Variants in ARHGAP6 observed in about 807,000 individuals in gnomAD.
ARHGAP6 encodes rho GTPase-activating protein 6.
A neutral mutation model predicts 55.7 loss-of-function variants in ARHGAP6; 16 were observed. The ratio of observed to expected loss-of-function variants is 0.29; its 90% CI spans 0.19 to 0.44. ARHGAP6 has a LOEUF of 0.44. ARHGAP6 is among the 20% of genes least tolerant of loss of function. ARHGAP6 has a pLI of 1.00. For missense variants in ARHGAP6, 698 were observed against 808.9 expected (o/e 0.86, Z 1.66); for synonymous variants, 382 against 360.9 (o/e 1.06, Z -0.66).
intron 1 of ARHGAP6, among the ~76,000 whole-genome samples, chrX:11,564,108 G>T (rs769630785): frequency 2.7e-5 from 3 of 111,555 alleles, no homozygotes; most frequent in Non-Finnish European, 5.7e-5. Context: ...TAGATAGCAA[G>T]AATAGATAAA....
intron 1 of ARHGAP6, among the ~76,000 whole-genome samples, chrX:11,589,202 C>T (rs963389000): frequency 9.3e-6 from 1 of 107,710 alleles, no homozygotes; most frequent in Non-Finnish European, 1.9e-5. Context: ...CCACCACGCC[C>T]GGCTAATTTT....
intron 1 of ARHGAP6, among the ~76,000 whole-genome samples, chrX:11,453,290 T>C (rs956971644): frequency 2.0e-5 from 2 of 99,980 alleles, no homozygotes; most frequent in African/African-American, 3.6e-5. Flanking sequence ...ACTATATATA[T>C]ACATAATATA....
chrX:11,446,083 T>G (rs1420595366), intron 1 of ARHGAP6, among the ~76,000 whole-genome samples: 1 of 112,180 alleles, frequency 8.9e-6, no homozygotes, highest in Non-Finnish European at 1.9e-5. Flanking sequence ...AAATTACATT[T>G]CTCAATAAAC....
At chrX:11,562,859 C>T (rs1008170600) in intron 1 of ARHGAP6, among the ~76,000 whole-genome samples, 6 of 111,981 alleles carry the variant, frequency 5.4e-5, no homozygotes, top group East Asian at 5.6e-4. Flanking sequence ...TGCAAACTCA[C>T]GCCTCCTAGA....
intron 8 of ARHGAP6, among the ~76,000 whole-genome samples, chrX:11,176,255 A>ATT (rs1555965239): frequency 0.025 from 1,507 of 60,377 alleles, 80 homozygotes; most frequent in African/African-American, 0.068. Context: ...ATATATATAT[A>ATT]TATATATATT....
intron 1 of ARHGAP6, among the ~76,000 whole-genome samples, chrX:11,621,538 C>A (rs1198326174): frequency 9.0e-6 from 1 of 111,282 alleles, no homozygotes; most frequent in Non-Finnish European, 1.9e-5. Context: ...TTTGAGGCAG[C>A]TGGTAAGTGT....
intron 2 of ARHGAP6, among the ~76,000 whole-genome samples, chrX:11,220,426 C>T (rs1374046323): frequency 1.1e-4 from 12 of 111,426 alleles, no homozygotes; most frequent in Admixed American, 4.8e-4. Flanking sequence ...AGACTAACAG[C>T]GGATCTCTCG....
intron 1 of ARHGAP6, among the ~76,000 whole-genome samples, chrX:11,421,015 G>A (rs2049816913): frequency 9.0e-6 from 1 of 110,840 alleles, no homozygotes; most frequent in Non-Finnish European, 1.9e-5. Flanking sequence ...GATTAGGAAG[G>A]GCTTTGGCAT....
At chrX:11,472,722 G>A (rs1301098838) in intron 1 of ARHGAP6, among the ~76,000 whole-genome samples, 2 of 111,600 alleles carry the variant, frequency 1.8e-5, no homozygotes, top group African/African-American at 6.5e-5. Context: ...GACTGTGGGA[G>A]CAGAAATAGG....
At chrX:11,500,140 C>T (rs1363435049) in intron 1 of ARHGAP6, among the ~76,000 whole-genome samples, 1 of 111,191 alleles carries the variant, frequency 9.0e-6, no homozygotes, top group African/African-American at 3.3e-5. Context: ...GGGCATTGAG[C>T]CACCTGAACC....
In ARHGAP6 at chrX:11,139,153, G is replaced by C. The variant is rs1320911529; in HGVS notation, c.2635C>G (p.Arg879Gly). 1 of 1,204,265 alleles carries C rather than the reference G, an allele frequency of 8.3e-7. No homozygotes were observed. The highest frequency in any genetic ancestry group is 1.1e-6 in the Non-Finnish European group (1 of 893,146). ...GGGCCCGGGTATGGAGGCGGGGGCC[G>C]CTTGTCATCCCTCCCACTCCCATGG... ...RPHGSGRDDK[R>G]PPPPYPGPGK... Residue 879 changes from arginine (R) to glycine (G), a missense_variant, in exon 13 of 13, where the codon CGG becomes GGG. Arg to Gly is a moderately radical substitution (Grantham distance 125, BLOSUM62 -2). Transcript: ENST00000337414.
At chrX:11,538,093 A>C (rs1274400253) in intron 1 of ARHGAP6, among the ~76,000 whole-genome samples, 1 of 112,060 alleles carries the variant, frequency 8.9e-6, no homozygotes, top group Non-Finnish European at 1.9e-5. Flanking sequence ...ATATATGCTC[A>C]TTTCTAAAAG....
chrX:11,340,692 G>A (rs1365136287), intron 1 of ARHGAP6, among the ~76,000 whole-genome samples: 2 of 106,784 alleles, frequency 1.9e-5, no homozygotes, highest in Non-Finnish European at 3.8e-5. Context: ...TCGCGCCACT[G>A]CACTCCAGCC....
At chrX:11,547,427 G>A (rs2051222507) in intron 1 of ARHGAP6, among the ~76,000 whole-genome samples, 1 of 111,495 alleles carries the variant, frequency 9.0e-6, no homozygotes, top group African/African-American at 3.3e-5. Flanking sequence ...GATGTTGCTA[G>A]TCCATGGCCC....
intron 1 of ARHGAP6, among the ~76,000 whole-genome samples, chrX:11,591,679 T>C (rs1245054261): frequency 8.9e-6 from 1 of 112,006 alleles, no homozygotes; most frequent in Admixed American, 9.5e-5. Flanking sequence ...TATTGGCGGT[T>C]GCCAGGGGCT....
chrX:11,337,046 C>A (rs971010470), intron 1 of ARHGAP6, among the ~76,000 whole-genome samples: 1 of 110,795 alleles, frequency 9.0e-6, no homozygotes, highest in Non-Finnish European at 1.9e-5. Flanking sequence ...CTACAGCCCA[C>A]CTGTCCCCAG....
chrX:11,360,880 T>C (rs960542971), intron 1 of ARHGAP6, among the ~76,000 whole-genome samples: 18 of 110,597 alleles, frequency 1.6e-4, no homozygotes, highest in Admixed American at 2.9e-4. Flanking sequence ...GAGAGCCAAA[T>C]CATGAGTGAA....
intron 1 of ARHGAP6, among the ~76,000 whole-genome samples, chrX:11,358,380 T>C (rs1211512299): frequency 8.9e-6 from 1 of 111,941 alleles, no homozygotes; most frequent in African/African-American, 3.2e-5. Flanking sequence ...CTTAGGTAGA[T>C]AACCAAGAGT....
intron 2 of ARHGAP6, among the ~76,000 whole-genome samples, chrX:11,230,970 G>A (rs1374820815): frequency 9.1e-6 from 1 of 109,523 alleles, no homozygotes; most frequent in Non-Finnish European, 1.9e-5. Context: ...TTACTTCAGG[G>A]TTCACTCTTG....
Sources: allele counts gnomAD v4.1 joint callset (sites outside exome capture counted in the v4.1 genomes callset), GRCh38; gene constraint gnomAD v4.1.1; transcripts MANE v1.5; gene names NCBI Gene and HGNC (gene_info 2026-07-23, HGNC 2026-07-21).